CNTNAP2: variants seen among roughly 807,000 people sequenced by gnomAD.
The protein encoded by CNTNAP2 is contactin-associated protein-like 2.
CNTNAP2 carries 98 observed loss-of-function variants against 155.2 expected under a neutral mutation model. That is an observed-to-expected ratio of 0.63 (90% CI 0.54 to 0.75). CNTNAP2 has a LOEUF of 0.75. Ranked by LOEUF, CNTNAP2 falls within the 30% of genes least tolerant of loss-of-function variation. CNTNAP2 has a pLI of 0.00. For synonymous variants in CNTNAP2, 651 were observed against 631.2 expected, an observed-to-expected ratio of 1.03 and a Z score of -0.47; for missense variants, 1,727 against 1,688.1, an observed-to-expected ratio of 1.02 and a Z score of -0.40.
At chr7:146,427,026 A>G (rs925927116) in intron 1 of CNTNAP2, among the ~76,000 whole-genome samples, 1 of 152,196 alleles carries the variant, frequency 6.6e-6, no homozygotes, top group African/African-American at 2.4e-5. Context: ...TCCACTATTC[A>G]TCTAAAGTAA....
At chr7:146,455,061 G>A (rs528902522) in intron 1 of CNTNAP2, among the ~76,000 whole-genome samples, 33 of 152,152 alleles carry the variant, frequency 2.2e-4, no homozygotes, top group African/African-American at 7.9e-4. Flanking sequence ...GAGACTGCTC[G>A]GGCTCCTCTC....
chr7:148,187,052 C>A (rs2116711577), intron 18 of CNTNAP2, among the ~76,000 whole-genome samples: 1 of 151,646 alleles, frequency 6.6e-6, no homozygotes, highest in South Asian at 2.1e-4. Context: ...AAGAAGTTTC[C>A]CTTCTTTCTT....
chr7:147,452,853 G>C (rs1349860116), intron 10 of CNTNAP2, among the ~76,000 whole-genome samples: 1 of 151,626 alleles, frequency 6.6e-6, no homozygotes, highest in Non-Finnish European at 1.5e-5. Context: ...ATGTGGAAAG[G>C]AAGGGGACAG....
At chr7:148,196,073 T>C (rs973169300) in intron 18 of CNTNAP2, among the ~76,000 whole-genome samples, 10 of 152,224 alleles carry the variant, frequency 6.6e-5, no homozygotes, top group African/African-American at 2.4e-4. Context: ...TCGCAAACAC[T>C]AATTGAAAGC....
intron 1 of CNTNAP2, among the ~76,000 whole-genome samples, chr7:146,560,899 C>A (rs1798270040): frequency 6.6e-6 from 1 of 152,088 alleles, no homozygotes; most frequent in Admixed American, 6.6e-5. Context: ...TGACTTATTT[C>A]TCATGGTTGT....
chr7:148,154,261 G>A (rs1015951832), intron 17 of CNTNAP2, among the ~76,000 whole-genome samples: 3 of 152,196 alleles, frequency 2.0e-5, no homozygotes, highest in African/African-American at 7.2e-5. Flanking sequence ...GGGGAAGCCC[G>A]CAGCCTCTTC....
chr7:147,243,596 A>G (rs371903423), intron 8 of CNTNAP2, among the ~76,000 whole-genome samples: 2 of 152,158 alleles, frequency 1.3e-5, no homozygotes, highest in African/African-American at 4.8e-5. Context: ...ACTTGATTCA[A>G]TCTATTTAAT....
At chr7:147,320,476 T>C (rs745636596) in intron 9 of CNTNAP2, among the ~76,000 whole-genome samples, 1 of 152,168 alleles carries the variant, frequency 6.6e-6, no homozygotes, top group Non-Finnish European at 1.5e-5. Flanking sequence ...ATTAACCCTT[T>C]TTCCAATACA....
chr7:147,310,394 T>C (rs1338213215), intron 9 of CNTNAP2, among the ~76,000 whole-genome samples: 1 of 152,192 alleles, frequency 6.6e-6, no homozygotes. Context: ...CTGATTTTGC[T>C]CTTTTAAAAT....
chr7:147,086,960 T>A (rs918124010), intron 4 of CNTNAP2, among the ~76,000 whole-genome samples: 2 of 152,226 alleles, frequency 1.3e-5, no homozygotes. Flanking sequence ...AAAAGTTTTA[T>A]GCTTGCCTCT....
At position 148,057,717 on chromosome 7, in the gene CNTNAP2, A is replaced by G. The variant is rs1803047650; in HGVS notation, c.2384-60401A>G. ...AGGAACTGAAGGTTAAACATTCTTG[A>G]TAACCATTGTATTTCTGCAGTGTCT... On this transcript the variant is annotated intron_variant, in intron 15 of 23. Transcript: ENST00000361727. Among the ~76,000 whole-genome samples, 3 of 152,314 alleles carry G rather than the reference A, an allele frequency of 2.0e-5. No individual in the cohort carries two copies. The South Asian group carries it at 6.2e-4, about 32-fold the overall frequency.
chr7:148,105,640 C>A (rs139774044), intron 15 of CNTNAP2, among the ~76,000 whole-genome samples: 2 of 150,982 alleles, frequency 1.3e-5, no homozygotes, highest in Non-Finnish European at 2.9e-5. Flanking sequence ...CAGGCTGGAG[C>A]GCAATGGCAC....
At chr7:148,001,350 A>G (rs888373786) in intron 15 of CNTNAP2, among the ~76,000 whole-genome samples, 2 of 152,190 alleles carry the variant, frequency 1.3e-5, no homozygotes, top group African/African-American at 4.8e-5. Flanking sequence ...ATGGCTCTAC[A>G]CTGCGTCGAA....
intron 8 of CNTNAP2, among the ~76,000 whole-genome samples, chr7:147,254,716 C>T (rs1316013461): frequency 3.9e-5 from 6 of 152,108 alleles, no homozygotes; most frequent in Non-Finnish European, 7.4e-5. Context: ...TAAGCTCATT[C>T]AAAACATACA....
At chr7:147,213,296 A>G (rs1803197199) in intron 8 of CNTNAP2, among the ~76,000 whole-genome samples, 1 of 152,130 alleles carries the variant, frequency 6.6e-6, no homozygotes, top group Admixed American at 6.5e-5. Context: ...TGGATTAAAT[A>G]ATGTCTATCC....
rs1037313557 is a variant in CNTNAP2, at chr7:148,330,197, G to T, written c.3476-53452G>T. Among the ~76,000 whole-genome samples the T allele has an allele frequency of 2.0e-3, 291 of 146,748 alleles. 4 individuals carry two copies. Among genetic ancestry groups the T allele is most frequent in the Middle Eastern group, 7.4e-3 (2 of 270 alleles). Reference sequence around the variant, plus strand: ...GATGGAGTGGACAGATGGAATGGGTGGATGGAGTGGATGGATGGAATGGAT... The same window carrying T: ...GATGGAGTGGACAGATGGAATGGGTTGATGGAGTGGATGGATGGAATGGAT... On this transcript the variant is annotated intron_variant, in intron 21 of 23. Transcript: ENST00000361727.
intron 8 of CNTNAP2, among the ~76,000 whole-genome samples, chr7:147,220,014 C>T (rs1198943771): frequency 6.9e-6 from 1 of 145,150 alleles, no homozygotes; most frequent in African/African-American, 2.6e-5. Context: ...TGGTCTCTAT[C>T]TCCTGAGCTC....
At chr7:148,263,597 C>A (rs768890868) in intron 20 of CNTNAP2, among the ~76,000 whole-genome samples, 4 of 151,822 alleles carry the variant, frequency 2.6e-5, no homozygotes, top group Non-Finnish European at 5.9e-5. Flanking sequence ...ATTAGCCGGG[C>A]GTGGTGGCGG....
At chr7:147,943,290 AT>A (rs1166719354) in intron 14 of CNTNAP2, among the ~76,000 whole-genome samples, 3 of 152,130 alleles carry the variant, frequency 2.0e-5, no homozygotes, top group African/African-American at 7.2e-5. Context: ...CACACACGGC[AT>A]TTTTGTGTAA....
Sources: gnomAD v4.1 joint callset for allele counts (sites outside exome capture counted in the v4.1 genomes callset) on GRCh38, gnomAD v4.1.1 for gene constraint, MANE v1.5 for transcripts, NCBI Gene and HGNC (gene_info 2026-07-23, HGNC 2026-07-21) for gene names.